CFI: variants seen among roughly 807,000 people sequenced by gnomAD.
The protein encoded by CFI is C3B/C4B inactivator.
Under a neutral mutation model 78.8 loss-of-function variants are expected in CFI, and 66 were observed. That is an observed-to-expected ratio of 0.84 (90% confidence interval 0.69 to 1.03). CFI has a LOEUF of 1.03. Ranked by LOEUF, CFI falls within the 50% of genes least tolerant of loss-of-function variation. CFI has a pLI of 0.00. For missense variants in CFI, 706 were observed against 704.5 expected (o/e 1.00, Z -0.02); for synonymous variants, 250 against 232.6 (o/e 1.07, Z -0.68).
intron 8 of CFI, among the ~76,000 whole-genome samples, chr4:109,751,128 C>T (rs10002034): frequency 0.97 from 147,683 of 152,240 alleles, 71,797 homozygotes; most frequent in East Asian, 1. Context: ...AGGAACTGGA[C>T]ATGTCAGCCT....
chr4:109,780,929 C>T (rs1013813827), intron 1 of CFI, among the ~76,000 whole-genome samples: 1 of 152,072 alleles, frequency 6.6e-6, no homozygotes, highest in African/African-American at 2.4e-5. Context: ...TTCTCACTCA[C>T]AGGTGGGAAT....
chr4:109,785,540 C>T (rs1246289704), intron 1 of CFI, among the ~76,000 whole-genome samples: 1 of 151,902 alleles, frequency 6.6e-6, no homozygotes, highest in African/African-American at 2.4e-5. Flanking sequence ...TCTCCACCCG[C>T]CCTCCCCAAA....
intron 3 of CFI, among the ~76,000 whole-genome samples, chr4:109,763,408 T>A (rs1727329352): frequency 6.6e-6 from 1 of 151,858 alleles, no homozygotes; most frequent in Admixed American, 6.6e-5. Flanking sequence ...TTTAATTTAG[T>A]AGAAATTATA....
At chr4:109,779,865 C>CAAA (rs1729768849) in intron 1 of CFI, among the ~76,000 whole-genome samples, 1 of 151,874 alleles carries the variant, frequency 6.6e-6, no homozygotes, top group South Asian at 2.1e-4. Flanking sequence ...ACAAACCTGA[C>CAAA]AACAAGAAAT....
chr4:109,768,139 G>A (rs1243709990), intron 1 of CFI, among the ~76,000 whole-genome samples: 1 of 120,382 alleles, frequency 8.3e-6, no homozygotes, highest in Non-Finnish European at 1.7e-5. Flanking sequence ...TTGTGGGGTG[G>A]GGGGAGGGGG....
chr4:109,739,278 T>TAA (rs201716913), downstream of CFI, among the ~76,000 whole-genome samples: 29 of 141,024 alleles, frequency 2.1e-4, no homozygotes, highest in African/African-American at 3.6e-4. Context: ...TAGCTGTGCT[T>TAA]AAAAAAAAAA....
At chr4:109,733,047 C>G in the CFI span, among the ~76,000 whole-genome samples, 1 of 151,800 alleles carries the variant, frequency 6.6e-6, no homozygotes, top group Non-Finnish European at 1.5e-5. Context: ...TCTCAGCTCA[C>G]TGCAACCTCC....
chr4:109,749,364 G>A (rs982543074), intron 9 of CFI, 43 bp from the exon 10 acceptor site: 1 of 1,561,540 alleles, frequency 6.4e-7, no homozygotes. Flanking sequence ...CTAACAGATA[G>A]CGATACAAAC....
chr4:109,757,045 A>G (rs1172971829), intron 7 of CFI, among the ~76,000 whole-genome samples: 1 of 151,756 alleles, frequency 6.6e-6, no homozygotes, highest in African/African-American at 2.4e-5. Context: ...TTACATTTAC[A>G]TTTACATGAC....
chr4:109,764,563 C>A lies in CFI; in HGVS notation c.456G>T (p.Val152=). 1 of 1,614,070 alleles carries A rather than the reference C, an allele frequency of 6.2e-7. No individual in the cohort carries two copies. The highest frequency in any genetic ancestry group is 8.5e-7 in the Non-Finnish European group (1 of 1,180,012). The change falls in exon 3 of 13, where the codon GTG becomes GTT. Residue 152 remains valine (V), a synonymous_variant. Transcript: ENST00000394634. ...KSSWSMREAN[V]ACLDLGFQQG... is the part of the protein sequence containing the mutation. ...GTTGAAACCCAAGGTCAAGGCAGGC[C>A]ACGTTGGCTTCCCTCATGCTCCAGC...
In CFI at chr4:109,760,358, A is replaced by G. The variant is rs772740083; in HGVS notation, c.795T>C (p.His265=). 3.1e-6 allele frequency: 5 copies of G among 1,614,026 alleles called. No individual in the cohort carries two copies. Among genetic ancestry groups the G allele is most frequent in the Middle Eastern group, 1.6e-4 (1 of 6,062 alleles). Reference sequence around the variant, plus strand: ...TTGGAATGCAAACACCCGATTTGCAATGGAAGCCTTTGCCTTGGCATGCTG... The same window carrying G: ...TTGGAATGCAAACACCCGATTTGCAGTGGAAGCCTTTGCCTTGGCATGCTG... ...CCKACQGKGF[H]CKSGVCIPSQ... The change falls in exon 6 of 13, where the codon CAT becomes CAC. Residue 265 remains histidine, a synonymous_variant. Coordinates refer to ENST00000394634, the MANE Select transcript of CFI (RefSeq NM_000204.5).
At chr4:109,759,405 A>G (rs553883586) in intron 6 of CFI, among the ~76,000 whole-genome samples, 42 of 152,176 alleles carry the variant, frequency 2.8e-4, no homozygotes, top group Non-Finnish European at 5.0e-4. Context: ...TTCATTCAAA[A>G]AAGACATTTT....
At chr4:109,735,278 A>C in the CFI span, among the ~76,000 whole-genome samples, 1 of 152,300 alleles carries the variant, frequency 6.6e-6, no homozygotes, top group East Asian at 1.9e-4. Flanking sequence ...TCTATATAGA[A>C]CTTCCCAGAA....
At chr4:109,799,146 G>C (rs752408303) in intron 1 of CFI, among the ~76,000 whole-genome samples, 3 of 152,140 alleles carry the variant, frequency 2.0e-5, no homozygotes, top group Non-Finnish European at 2.9e-5. Flanking sequence ...ATACACACAG[G>C]CACTTTTGAA....
Position 109,741,073 on chromosome 4 carries a change from G to A in CFI, c.1572C>T (p.Asp524=). 1.9e-6 allele frequency: 3 copies of A among 1,614,150 alleles called. No homozygotes were observed. Among genetic ancestry groups the A allele is most frequent in the East Asian group, 2.2e-5 (1 of 44,882 alleles). Residue 524 remains aspartate, a synonymous_variant, in exon 13 of 13, where the codon GAC becomes GAT. Coordinates refer to ENST00000394634, the MANE Select transcript of CFI (RefSeq NM_000204.5). ...CCATACAGACTAAGGGGCCTCCAGAGTCCCCTTTACAGGCATCGATGGAAC... is the reference window on the plus strand; with the variant it reads ...CCATACAGACTAAGGGGCCTCCAGAATCCCCTTTACAGGCATCGATGGAAC... ...YDGSIDACKG[D]SGGPLVCMDA... is the part of the protein sequence containing the mutation.
downstream of CFI, among the ~76,000 whole-genome samples, chr4:109,737,765 A>G (rs1048278213): frequency 6.6e-6 from 1 of 152,204 alleles, no homozygotes; most frequent in African/African-American, 2.4e-5. Context: ...CTCTTTTGGA[A>G]ATTCTGTGAA....
rs907339527 is a variant in CFI, at chr4:109,740,794, C to T, written c.*99G>A. 2.6e-6 allele frequency: 3 copies of T among 1,149,122 alleles called. No homozygotes were observed. Among genetic ancestry groups the T allele is most frequent in the Non-Finnish European group, 3.9e-6 (3 of 772,982 alleles). The allele number at this position is 1,149,122 out of a possible 1,614,324, so 71.2% of individuals were successfully genotyped here. ...TAAAAATATCCAGTGAGATTTGCTT[C>T]ATTTTTCCCCCCTAGAGAATTATTA... On this transcript the variant is annotated 3_prime_UTR_variant, in exon 13 of 13. Coordinates refer to ENST00000394634, the MANE Select transcript of CFI (RefSeq NM_000204.5).
intron 11 of CFI, among the ~76,000 whole-genome samples, chr4:109,745,180 T>C (rs1239941142): frequency 6.6e-6 from 1 of 152,174 alleles, no homozygotes; most frequent in Non-Finnish European, 1.5e-5. Flanking sequence ...CCTTTTTTTC[T>C]GTTATGCTTG....
intron 7 of CFI, among the ~76,000 whole-genome samples, chr4:109,756,237 T>C (rs1477191194): frequency 2.0e-5 from 3 of 151,414 alleles, no homozygotes; most frequent in African/African-American, 7.3e-5. Flanking sequence ...CTGATGATCA[T>C]GTATAAGGAG....
Sources: gnomAD v4.1 joint callset for allele counts (sites outside exome capture counted in the v4.1 genomes callset) on GRCh38, gnomAD v4.1.1 for gene constraint, MANE v1.5 for transcripts, NCBI Gene and HGNC (gene_info 2026-07-23, HGNC 2026-07-21) for gene names.